LRRC25: variants seen among roughly 807,000 people sequenced by gnomAD.
LRRC25 encodes the protein leucine rich repeat containing 25, also known as leucine-rich repeat-containing protein 25.
LRRC25 carries 5 observed loss-of-function variants against 18.8 expected under a neutral mutation model. The ratio of observed to expected loss-of-function variants is 0.27; its 90% CI spans 0.14 to 0.56. LRRC25 has a LOEUF of 0.56. Ranked by LOEUF, LRRC25 falls within the 20% of genes least tolerant of loss-of-function variation. The pLI is 0.93. For synonymous variants in LRRC25, 161 were observed against 176.8 expected (o/e 0.91, Z 0.71); for missense variants, 341 against 389.8 (o/e 0.87, Z 1.05).
chr19:18,392,734 A>AATCCCAGC (rs1451458788), intron 1 of LRRC25, among the ~76,000 whole-genome samples: 2 of 152,114 alleles, frequency 1.3e-5, no homozygotes, highest in African/African-American at 4.8e-5. Context: ...TCATGCCTGT[A>AATCCCAGC]ATCCCAGCAC....
Position 18,392,083 on chromosome 19 carries a change from C to T in LRRC25, c.822G>A (p.Lys274=). The change falls in exon 2 of 2, where the codon AAG becomes AAA. Residue 274 remains lysine, a synonymous_variant. Transcript: ENST00000339007. ...SEDNDFYINY[K]DIDLASQPVY... is the part of the protein sequence containing the mutation. ...CAGGCTGGGAAGCCAGGTCGATGTC[C>T]TTGTAGTTGATGTAAAAGTCATTGT... 1.2e-6 allele frequency: 2 copies of T among 1,614,126 alleles called. No homozygotes were observed. Among genetic ancestry groups the T allele is most frequent in the Non-Finnish European group, 1.7e-6 (2 of 1,180,000 alleles).
Position 18,396,425 on chromosome 19 carries a change from G to T in LRRC25, c.539C>A (p.Ala180Asp). The T allele has an allele frequency of 6.2e-7, 1 of 1,613,450 alleles. No individual in the cohort carries two copies. Among genetic ancestry groups the T allele is most frequent in the East Asian group, 2.2e-5 (1 of 44,878 alleles). Residue 180 changes from alanine (A) to aspartate (D), a missense_variant, in exon 1 of 2, where the codon GCC (alanine) becomes GAC (aspartate). Coordinates refer to ENST00000339007, the MANE Select transcript of LRRC25 (RefSeq NM_145256.3). ...CCAGGCCAGCACAGGGCCAGCGATG[G>T]CAAGTCCAAGAAGCAGGCACCCGCT... ...VVSGCLLLGLAIAGPVLAWRL... is the reference protein window; with the variant it reads ...VVSGCLLLGLDIAGPVLAWRL...
chr19:18,392,866 T>C (rs1971919171), intron 1 of LRRC25, among the ~76,000 whole-genome samples: 1 of 151,946 alleles, frequency 6.6e-6, no homozygotes, highest in South Asian at 2.1e-4. Context: ...GACGTGTGCC[T>C]GGAGTCCCAT....
In LRRC25 at chr19:18,396,501, C is replaced by T; in HGVS notation, c.463G>A (p.Val155Ile). The change falls in exon 1 of 2, where the codon GTC (valine) becomes ATC (isoleucine). Residue 155 changes from valine (V) to isoleucine (I), a missense_variant. Transcript: ENST00000339007. The part of the protein sequence containing the change: ...SQHNLSAFLE[V>I]SCAPGLASAT... The stretch of plus-strand genomic sequence containing the variant: ...GAGGCCAGGCCAGGGGCGCAGCTGA[C>T]CTCCAGGAAGGCAGAGAGGTTGTGC... 6.2e-7 allele frequency: 1 copy of T among 1,613,600 alleles called. No homozygotes were observed. Among genetic ancestry groups the T allele is most frequent in the Non-Finnish European group, 8.5e-7 (1 of 1,180,030 alleles).
chr19:18,397,256 G>A lies in LRRC25; in HGVS notation c.-293C>T. 1 of 439,136 alleles carries A rather than the reference G, an allele frequency of 2.3e-6. No homozygotes were observed. Among genetic ancestry groups the A allele is most frequent in the Non-Finnish European group, 4.1e-6 (1 of 241,634 alleles). The allele number at this position is 439,136 out of a possible 1,614,324, so 27.2% of individuals were successfully genotyped here. A position where few individuals can be genotyped will look rare whatever the true frequency, so the allele number is the denominator to read the frequency against. ...CCTGAACATTTGGGGCGCCCTCGTT[G>A]GCCAGGACGGGACCCTATGCAAATA... is the stretch of plus-strand genomic sequence containing the variant. On this transcript the variant is annotated 5_prime_UTR_variant, in exon 1 of 2. Coordinates refer to ENST00000339007, the MANE Select transcript of LRRC25 (RefSeq NM_145256.3).
chr19:18,394,052 G>C (rs1033456430), intron 1 of LRRC25, among the ~76,000 whole-genome samples: 1 of 152,090 alleles, frequency 6.6e-6, no homozygotes, highest in African/African-American at 2.4e-5. Context: ...ACAGCCTTCC[G>C]ATAGCCTCCC....
At position 18,396,384 on chromosome 19, in the gene LRRC25, G is replaced by A. The variant is rs1481759211; in HGVS notation, c.580C>T (p.Arg194Ter). ...PVLAWRLWRC[R>*]VARSRELNKP... ...TTCAGCTCCCGGCTTCTGGCCACTC[G>A]GCATCGCCAGAGTCTCCAGGCCAGC... Residue 194 changes from arginine to a stop codon, truncating the protein, a stop_gained, in exon 1 of 2, where the codon CGA becomes TGA. Transcript: ENST00000339007. LOFTEE classifies it high-confidence loss of function. 1 of 1,613,524 alleles carries A rather than the reference G, an allele frequency of 6.2e-7. No individual in the cohort carries two copies. The highest frequency in any genetic ancestry group is 8.5e-7 in the Non-Finnish European group (1 of 1,179,980).
Position 18,396,896 on chromosome 19 carries a change from G to T in LRRC25, c.68C>A (p.Pro23Gln). The T allele has an allele frequency of 6.2e-7, 1 of 1,613,194 alleles. No homozygotes were observed. Among genetic ancestry groups the T allele is most frequent in the Non-Finnish European group, 8.5e-7 (1 of 1,179,682 alleles). ...LLLRESDSLE[P>Q]SCTVSSADVD... is the part of the protein sequence containing the mutation. ...ATCCGCGGAGGACACGGTGCACGAC[G>T]GTTCTAGGCTGTCTGACTCCCGCAG... Residue 23 changes from proline (P) to glutamine (Q), a missense_variant, in exon 1 of 2, where the codon CCG (proline) becomes CAG (glutamine). Transcript: ENST00000339007.
At position 18,397,122 on chromosome 19, in the gene LRRC25, G is replaced by A; in HGVS notation, c.-159C>T. 1 of 750,774 alleles carries A rather than the reference G, an allele frequency of 1.3e-6. No individual in the cohort carries two copies. The allele number at this position is 750,774 out of a possible 1,614,324, so 46.5% of individuals were successfully genotyped here. A position where few individuals can be genotyped will look rare whatever the true frequency, so the allele number is the denominator to read the frequency against. On this transcript the variant is annotated 5_prime_UTR_variant, in exon 1 of 2. Coordinates refer to ENST00000339007, the MANE Select transcript of LRRC25 (RefSeq NM_145256.3). ...CCCAGTCTGGTCGCCTCCTTTGGCTGGTGGGCTGCCTCAGTCTCCCCTTCT... is the reference window on the plus strand; with the variant it reads ...CCCAGTCTGGTCGCCTCCTTTGGCTAGTGGGCTGCCTCAGTCTCCCCTTCT...
At position 18,397,525 on chromosome 19, in the gene LRRC25, G is replaced by A. The variant is rs573235360; in HGVS notation, c.-562C>T. The stretch of plus-strand genomic sequence containing the variant: ...CGACGGCGCCCAGAGGCTGCGTCCT[G>A]GCCCACCTGGACACGGGGGCCGCAG... On this transcript the variant is annotated 5_prime_UTR_variant, in exon 1 of 2. Transcript: ENST00000339007. 6.4e-6 allele frequency: 1 copy of A among 156,310 alleles called. No homozygotes were observed. Among genetic ancestry groups the A allele is most frequent in the African/African-American group, 2.4e-5 (1 of 41,592 alleles). 9.7% of individuals were successfully genotyped at this position (156,310 alleles called of 1,614,324 possible).
intron 1 of LRRC25, among the ~76,000 whole-genome samples, chr19:18,393,069 T>C (rs1432905962): frequency 6.6e-6 from 1 of 152,180 alleles, no homozygotes; most frequent in Non-Finnish European, 1.5e-5. Flanking sequence ...AATCGGAAGC[T>C]CTGGCCACGT....
rs1411860853 is a variant in LRRC25, at chr19:18,397,011, C to G, written c.-48G>C. Reference sequence around the variant, plus strand: ...CCGGAATCCTAGCCCTGACCTCAGCCCTGTGGTCGCCCTCGCCTCCACCGC... The same window carrying G: ...CCGGAATCCTAGCCCTGACCTCAGCGCTGTGGTCGCCCTCGCCTCCACCGC... On this transcript the variant is annotated 5_prime_UTR_variant, in exon 1 of 2. Transcript: ENST00000339007. The G allele has an allele frequency of 6.5e-7, 1 of 1,539,230 alleles. No homozygotes were observed. The highest frequency in any genetic ancestry group is 8.8e-7 in the Non-Finnish European group (1 of 1,139,478).
rs1490654111 is a variant in LRRC25, at chr19:18,394,214, GTCTCTGCCCC to G, written c.779+1961_779+1970del. On this transcript the variant is annotated intron_variant, in intron 1 of 1. Coordinates refer to ENST00000339007, the MANE Select transcript of LRRC25 (RefSeq NM_145256.3). Reference sequence around the variant, plus strand: ...ATTCTCTGTTCTTTCCCACCTCTGGGTCTCTGCCCCTGAGGGTCCCACCCCTTGAAATTCC... The same window carrying G: ...ATTCTCTGTTCTTTCCCACCTCTGGGTGAGGGTCCCACCCCTTGAAATTCC... 2.0e-5 allele frequency among the ~76,000 whole-genome samples: 3 copies of G among 151,922 alleles called. No individual in the cohort carries two copies. The South Asian group carries it at 6.2e-4, about 32-fold the overall frequency.
chr19:18,397,328 A>T lies in LRRC25; in HGVS notation c.-365T>A. 3.6e-6 allele frequency: 1 copy of T among 275,546 alleles called. No individual in the cohort carries two copies. Among genetic ancestry groups the T allele is most frequent in the Non-Finnish European group, 7.0e-6 (1 of 142,606 alleles). 17.1% of individuals were successfully genotyped at this position (275,546 alleles called of 1,614,324 possible). On this transcript the variant is annotated 5_prime_UTR_variant, in exon 1 of 2. Coordinates refer to ENST00000339007, the MANE Select transcript of LRRC25 (RefSeq NM_145256.3). ...CCCGCCCCCTGATCACGCTCCCGGT[A>T]TCTCCCAGAACGGCGGGTCGCTGGG...
chr19:18,397,412 C>T lies in LRRC25; in HGVS notation c.-449G>A. On this transcript the variant is annotated 5_prime_UTR_variant, in exon 1 of 2. Coordinates refer to ENST00000339007, the MANE Select transcript of LRRC25 (RefSeq NM_145256.3). ...AAAGGGTCCTCCCAGGTCTGGTTTG[C>T]AGTCCCTGCACAGGTGCAAGTTCTA... 5.2e-6 allele frequency: 1 copy of T among 190,740 alleles called. No homozygotes were observed. The highest frequency in any genetic ancestry group is 1.1e-5 in the Non-Finnish European group (1 of 89,046). 11.8% of individuals were successfully genotyped at this position (190,740 alleles called of 1,614,324 possible). A position where few individuals can be genotyped will look rare whatever the true frequency, so the allele number is the denominator to read the frequency against.
At chr19:18,394,518 G>A (rs527947042) in intron 1 of LRRC25, among the ~76,000 whole-genome samples, 1 of 152,208 alleles carries the variant, frequency 6.6e-6, no homozygotes, top group South Asian at 2.1e-4. Flanking sequence ...TATTGGCCAG[G>A]CTGGTCTCGA....
rs1344183737 is a variant in LRRC25 at position 18,396,281 on chromosome 19, T to A, written c.683A>T (p.Lys228Met). Residue 228 changes from lysine to methionine, a missense_variant, in exon 1 of 2, where the codon AAG (lysine) becomes ATG (methionine). Lys to Met is a moderately conservative substitution (Grantham distance 95). Coordinates refer to ENST00000339007, the MANE Select transcript of LRRC25 (RefSeq NM_145256.3). ...QPRYGSRSAP[K>M]PQVAVPSCPS... ...GCAGGATGGCACGGCCACTTGGGGC[T>A]TGGGGGCGCTCCGGCTGCCGTACCG... 1 of 1,613,150 alleles carries A rather than the reference T, an allele frequency of 6.2e-7. No homozygotes were observed. Among genetic ancestry groups the A allele is most frequent in the East Asian group, 2.2e-5 (1 of 44,888 alleles).
Position 18,391,855 on chromosome 19 carries a change from G to A in LRRC25, c.*132C>T, listed in dbSNP as rs1600253506. On this transcript the variant is annotated 3_prime_UTR_variant, in exon 2 of 2. Transcript: ENST00000339007. Reference sequence around the variant, plus strand: ...AGGGAGGGGGCGGCAGAGCTTCCTGGGGCCTCAAGGACAATCCTTTCCTGT... The same window carrying A: ...AGGGAGGGGGCGGCAGAGCTTCCTGAGGCCTCAAGGACAATCCTTTCCTGT... 29 of 1,126,814 alleles carry A rather than the reference G, an allele frequency of 2.6e-5. No homozygotes were observed. The highest frequency in any genetic ancestry group is 3.0e-4 in the Middle Eastern group (1 of 3,282). The allele number at this position is 1,126,814 out of a possible 1,614,324, so 69.8% of individuals were successfully genotyped here.
rs1294341222 is a variant in LRRC25, at chr19:18,391,770, T to TG, written c.*216dup. On this transcript the variant is annotated 3_prime_UTR_variant, in exon 2 of 2. Transcript: ENST00000339007. The stretch of plus-strand genomic sequence containing the variant: ...CACAGTGACCGTCCTGTCCCCTTGT[T>TG]GGGGGTCTCTCCTCTTCCCCCTCTA... 2 of 511,508 alleles carry TG rather than the reference T, an allele frequency of 3.9e-6. No individual in the cohort carries two copies. The highest frequency in any genetic ancestry group is 2.3e-5 in the South Asian group (1 of 43,958). 31.7% of individuals were successfully genotyped at this position (511,508 alleles called of 1,614,324 possible). A position where few individuals can be genotyped will look rare whatever the true frequency, so the allele number is the denominator to read the frequency against.
Sources: gnomAD v4.1 joint callset for allele counts (sites outside exome capture counted in the v4.1 genomes callset) on GRCh38, gnomAD v4.1.1 for gene constraint, MANE v1.5 for transcripts, NCBI Gene and HGNC (gene_info 2026-07-23, HGNC 2026-07-21) for gene names.